Variants in KCNJ3 observed in about 807,000 individuals in gnomAD.
KCNJ3 encodes potassium inwardly rectifying channel subfamily J member 3.
Under a neutral mutation model 39.2 loss-of-function variants are expected in KCNJ3, and 4 were observed. The ratio of observed to expected loss-of-function variants is 0.10; its 90% CI spans 0.05 to 0.23. The LOEUF (loss-of-function observed/expected upper bound fraction) is 0.23, where lower values mean the gene tolerates loss of function less well. Ranked by LOEUF, KCNJ3 falls within the 10% of genes least tolerant of loss-of-function variation. The pLI, the probability that KCNJ3 is intolerant of heterozygous loss-of-function variation, is 1.00. For synonymous variants in KCNJ3, 230 were observed against 237.4 expected, an observed-to-expected ratio of 0.97 and a Z score of 0.29; for missense variants, 276 against 634.9, an observed-to-expected ratio of 0.43 and a Z score of 6.08.
chr2:154,841,829 CTTCT>C (rs1183012526), intron 2 of KCNJ3, among the ~76,000 whole-genome samples: 4 of 151,638 alleles, frequency 2.6e-5, no homozygotes, highest in African/African-American at 9.7e-5. Context: ...TCTCTCTTTT[CTTCT>C]TTATTAGTTT....
At chr2:154,824,478 T>C (rs1206756978) in intron 2 of KCNJ3, among the ~76,000 whole-genome samples, 1 of 152,196 alleles carries the variant, frequency 6.6e-6, no homozygotes, top group Non-Finnish European at 1.5e-5. Context: ...TAACAACGGT[T>C]TGGGTGCCTA....
At chr2:154,813,369 C>T (rs1038540544) in intron 2 of KCNJ3, among the ~76,000 whole-genome samples, 2 of 152,136 alleles carry the variant, frequency 1.3e-5, no homozygotes, top group African/African-American at 4.8e-5. Context: ...AGTTCTGCTC[C>T]ACTTGTTTCT....
chr2:154,701,307 G>A (rs989259240), intron 1 of KCNJ3, among the ~76,000 whole-genome samples: 2 of 152,066 alleles, frequency 1.3e-5, no homozygotes, highest in Non-Finnish European at 2.9e-5. Flanking sequence ...AATGGAAATT[G>A]ACAATTAGAC....
At chr2:154,847,699 T>C (rs957770432) in intron 2 of KCNJ3, among the ~76,000 whole-genome samples, 5 of 152,212 alleles carry the variant, frequency 3.3e-5, no homozygotes, top group Non-Finnish European at 7.3e-5. Context: ...GTAGTTTACA[T>C]ATGTCACTTA....
chr2:154,703,479 A>ATATGTG lies in KCNJ3; in HGVS notation c.702+4003_702+4004insATGTGT, dbSNP rs372548966. Reference sequence around the variant, plus strand: ...TCACCTTCTTTTATCCTCCATATATATGTGTGTGTGTGTGTGTGTGTGTGT... The same window carrying ATATGTG: ...TCACCTTCTTTTATCCTCCATATATATATGTGTGTGTGTGTGTGTGTGTGTGTGTGT... On this transcript the variant is annotated intron_variant, in intron 1 of 2. Coordinates refer to ENST00000295101, the MANE Select transcript of KCNJ3 (RefSeq NM_002239.4). Among the ~76,000 whole-genome samples, 1,149 of 148,282 alleles carry ATATGTG rather than the reference A, an allele frequency of 7.7e-3. 11 individuals are homozygous for ATATGTG. Among genetic ancestry groups the ATATGTG allele is most frequent in the African/African-American group, 0.026 (1,056 of 40,424 alleles).
chr2:154,756,120 C>A (rs955644078), intron 2 of KCNJ3, among the ~76,000 whole-genome samples: 2 of 152,076 alleles, frequency 1.3e-5, no homozygotes, highest in Non-Finnish European at 2.9e-5. Context: ...TTATTACATA[C>A]TTTTTATTAT....
chr2:154,839,103 C>G (rs371544996), intron 2 of KCNJ3, among the ~76,000 whole-genome samples: 4 of 152,176 alleles, frequency 2.6e-5, no homozygotes, highest in Non-Finnish European at 2.9e-5. Context: ...CCCAGCCCCC[C>G]ACCTCCCGAT....
At position 154,708,576 on chromosome 2, in the gene KCNJ3, T is replaced by A. The variant is rs190116866; in HGVS notation, c.703-1027T>A. Among the ~76,000 whole-genome samples the A allele has an allele frequency of 3.3e-5, 5 of 152,278 alleles. 1 individual carries two copies. Among genetic ancestry groups the A allele is most frequent in the Admixed American group, 3.3e-4 (5 of 15,282 alleles). ...CCTTCCCCCCATTTTTTTCTGTATT[T>A]AATTCCTAACTACCTAGCCCTTATT... On this transcript the variant is annotated intron_variant, in intron 1 of 2. Transcript: ENST00000295101.
intron 2 of KCNJ3, among the ~76,000 whole-genome samples, chr2:154,773,286 T>C (rs554152848): frequency 6.6e-6 from 1 of 152,280 alleles, no homozygotes; most frequent in Admixed American, 6.5e-5. Context: ...TTCTTTTTGA[T>C]TACCTGCTGA....
intron 1 of KCNJ3, among the ~76,000 whole-genome samples, chr2:154,702,597 C>G (rs878983384): frequency 6.6e-6 from 1 of 151,936 alleles, no homozygotes; most frequent in South Asian, 2.1e-4. Context: ...TATCTCATCT[C>G]TATTCCTGTC....
chr2:154,712,884 C>G (rs980708018), intron 2 of KCNJ3, among the ~76,000 whole-genome samples: 1 of 152,034 alleles, frequency 6.6e-6, no homozygotes, highest in Admixed American at 6.6e-5. Flanking sequence ...AGGGGACACT[C>G]AAGCTGAGAC....
intron 2 of KCNJ3, among the ~76,000 whole-genome samples, chr2:154,745,683 G>A (rs1200809781): frequency 6.6e-6 from 1 of 151,738 alleles, no homozygotes; most frequent in Non-Finnish European, 1.5e-5. Flanking sequence ...ATCTTCATTT[G>A]GCCATCTATT....
intron 2 of KCNJ3, among the ~76,000 whole-genome samples, chr2:154,714,255 A>C (rs1340685388): frequency 1.3e-5 from 2 of 152,194 alleles, no homozygotes; most frequent in Non-Finnish European, 2.9e-5. Context: ...CCTACTGGAA[A>C]AAAATAAAAC....
At chr2:154,713,396 T>G (rs575125577) in intron 2 of KCNJ3, among the ~76,000 whole-genome samples, 1 of 152,152 alleles carries the variant, frequency 6.6e-6, no homozygotes, top group East Asian at 1.9e-4. Context: ...CTACCCAATT[T>G]CTCCATTCAC....
In KCNJ3 at chr2:154,702,559, T is replaced by A. The variant is rs550693189; in HGVS notation, c.702+3082T>A. Among the ~76,000 whole-genome samples the A allele has an allele frequency of 2.0e-5, 3 of 152,078 alleles. No homozygotes were observed. The East Asian group carries it at 5.8e-4, about 29-fold the overall frequency. On this transcript the variant is annotated intron_variant, in intron 1 of 2. Transcript: ENST00000295101. Reference sequence around the variant, plus strand: ...AAACTTATTTGCCTAATTTTTATTATGCTTTTCACTTATTTGAAAGCACAT... The same window carrying A: ...AAACTTATTTGCCTAATTTTTATTAAGCTTTTCACTTATTTGAAAGCACAT...
At chr2:154,768,600 T>C (rs1287717428) in intron 2 of KCNJ3, among the ~76,000 whole-genome samples, 1 of 152,194 alleles carries the variant, frequency 6.6e-6, no homozygotes, top group African/African-American at 2.4e-5. Context: ...CCTTGTAGTA[T>C]AGTTTGAAGT....
chr2:154,818,129 CTT>C (rs934519189), intron 2 of KCNJ3, among the ~76,000 whole-genome samples: 14 of 152,038 alleles, frequency 9.2e-5, no homozygotes, highest in African/African-American at 2.9e-4. Context: ...TATGTATTAA[CTT>C]ATATATGATA....
At position 154,819,764 on chromosome 2, in the gene KCNJ3, C is replaced by T. The variant is rs575234748; in HGVS notation, c.920-34963C>T. Among the ~76,000 whole-genome samples, 7 of 152,120 alleles carry T rather than the reference C, an allele frequency of 4.6e-5. No individual in the cohort carries two copies. The South Asian group carries it at 1.0e-3, about 23-fold the overall frequency. On this transcript the variant is annotated intron_variant, in intron 2 of 2. Transcript: ENST00000295101. ...CAGGATGCTCTCAATCTCTTGACCT[C>T]GTGATCTACCCACCTCACCCTCCCA...
chr2:154,778,407 T>C (rs1686376356), intron 2 of KCNJ3, among the ~76,000 whole-genome samples: 1 of 152,182 alleles, frequency 6.6e-6, no homozygotes, highest in Non-Finnish European at 1.5e-5. Context: ...CCCTTGAAAC[T>C]CTTTCAAGAA....
Sources: allele counts gnomAD v4.1 joint callset (sites outside exome capture counted in the v4.1 genomes callset), GRCh38; gene constraint gnomAD v4.1.1; transcripts MANE v1.5; gene names NCBI Gene and HGNC (gene_info 2026-07-23, HGNC 2026-07-21).